RIMS3: variants seen among roughly 807,000 people sequenced by gnomAD.
The protein encoded by RIMS3 is regulating synaptic membrane exocytosis 3, also known as regulating synaptic membrane exocytosis protein 3.
In RIMS3, 15 loss-of-function variants were observed where a neutral mutation model predicts 29.2. The ratio of observed to expected loss-of-function variants is 0.51; its 90% CI spans 0.34 to 0.79. RIMS3 has a LOEUF of 0.79. Among genes scored for constraint, RIMS3 ranks in the 30% least tolerant of loss-of-function variants. The pLI is 0.01. For synonymous variants in RIMS3, 161 were observed against 170.1 expected (o/e 0.95, Z 0.41); for missense variants, 342 against 421.4 (o/e 0.81, Z 1.65).
chr1:40,665,962 T>G (rs1482726551), upstream of RIMS3, among the ~76,000 whole-genome samples: 1 of 152,180 alleles, frequency 6.6e-6, no homozygotes, highest in Non-Finnish European at 1.5e-5. Flanking sequence ...TTTCTCATCC[T>G]TCCTTTTCTT....
the RIMS3 span, among the ~76,000 whole-genome samples, chr1:40,685,627 C>T: frequency 6.6e-6 from 1 of 151,874 alleles, no homozygotes; most frequent in Non-Finnish European, 1.5e-5. Context: ...CCCCGTTGGG[C>T]TCAGTTATTG....
At chr1:40,628,740 A>G in intron 7 of RIMS3, 70 bp downstream of exon 7, 1 of 1,602,662 alleles carries the variant, frequency 6.2e-7, no homozygotes, top group Admixed American at 1.7e-5. Flanking sequence ...ATGAATCATA[A>G]ATGAAAAACT....
chr1:40,643,798 A>AT (rs1646577027), intron 2 of RIMS3, among the ~76,000 whole-genome samples: 1 of 151,944 alleles, frequency 6.6e-6, no homozygotes, highest in East Asian at 1.9e-4. Flanking sequence ...TTCTACATGG[A>AT]TTTTGTCTGC....
chr1:40,685,763 G>C, the RIMS3 span, among the ~76,000 whole-genome samples: 1 of 151,918 alleles, frequency 6.6e-6, no homozygotes, highest in Non-Finnish European at 1.5e-5. Context: ...TCAGAGATCT[G>C]AGAAGCACAT....
At chr1:40,661,167 G>C (rs1237169689) in intron 1 of RIMS3, among the ~76,000 whole-genome samples, 1 of 152,128 alleles carries the variant, frequency 6.6e-6, no homozygotes, top group Non-Finnish European at 1.5e-5. Context: ...ACTTTGGCTA[G>C]GTCACCTCAG....
In RIMS3 at chr1:40,654,379, C is replaced by G. The variant is rs939017755; in HGVS notation, c.-206-6537G>C. 2.0e-5 allele frequency among the ~76,000 whole-genome samples: 3 copies of G among 152,202 alleles called. No individual in the cohort carries two copies. The highest frequency in any genetic ancestry group is 6.5e-5 in the Admixed American group (1 of 15,286). ...CGCATTCCCTGCAACCTCTCCACCC[C>G]CGGACCCTTTCAGGGCACAAAGACC... On this transcript the variant is annotated intron_variant, in intron 1 of 7. Coordinates refer to ENST00000372684, the MANE Select transcript of RIMS3 (RefSeq NM_014747.3). This position sits in a 1 kb window ranked among gnomAD's most constrained non-coding sequence, Gnocchi z 5.3.
At chr1:40,660,378 CTT>C (rs535968581) in intron 1 of RIMS3, among the ~76,000 whole-genome samples, 58 of 135,012 alleles carry the variant, frequency 4.3e-4, no homozygotes, top group Admixed American at 6.0e-4. Flanking sequence ...GTTGGGGCTT[CTT>C]TTTTTTTTTT....
At chr1:40,650,909 TG>T (rs1252094305) in intron 1 of RIMS3, among the ~76,000 whole-genome samples, 3 of 149,538 alleles carry the variant, frequency 2.0e-5, no homozygotes, top group Admixed American at 6.7e-5. Flanking sequence ...TTAGCCACTT[TG>T]TCTCCTGTCT....
At chr1:40,669,781 A>C (rs1476827656), upstream of RIMS3, among the ~76,000 whole-genome samples, 1 of 152,112 alleles carries the variant, frequency 6.6e-6, no homozygotes, top group Non-Finnish European at 1.5e-5. Context: ...ATTTTTTTGA[A>C]AGCTTTTCCA....
At chr1:40,688,567 G>A in the RIMS3 span, among the ~76,000 whole-genome samples, 141 of 152,292 alleles carry the variant, frequency 9.3e-4, 3 homozygotes, top group South Asian at 0.028. Flanking sequence ...AAAAGAACTA[G>A]AATACTCTAG....
chr1:40,640,071 C>A (rs764763514), intron 3 of RIMS3, among the ~76,000 whole-genome samples: 6 of 152,176 alleles, frequency 3.9e-5, no homozygotes, highest in Non-Finnish European at 7.4e-5. Flanking sequence ...GACTGTCCCC[C>A]CAAATCACTT....
chr1:40,667,274 ACC>A (rs1234323451), upstream of RIMS3, among the ~76,000 whole-genome samples: 1 of 151,990 alleles, frequency 6.6e-6, no homozygotes, highest in Non-Finnish European at 1.5e-5. Flanking sequence ...CAGCTATTCT[ACC>A]TCAGGCCTAG....
chr1:40,677,457 G>A, the RIMS3 span, among the ~76,000 whole-genome samples: 1 of 151,612 alleles, frequency 6.6e-6, no homozygotes, highest in East Asian at 2.0e-4. Context: ...CCAGCACTTT[G>A]GGAGGCCAAG....
At chr1:40,673,780 G>A in the RIMS3 span, among the ~76,000 whole-genome samples, 1 of 152,124 alleles carries the variant, frequency 6.6e-6, no homozygotes, top group Non-Finnish European at 1.5e-5. Flanking sequence ...GGTGAAGACT[G>A]CACAGTGGTT....
In RIMS3 at chr1:40,626,280, G is replaced by A. The variant is rs944105386; in HGVS notation, c.*237C>T. On this transcript the variant is annotated 3_prime_UTR_variant, in exon 8 of 8. Transcript: ENST00000372684. ...GACATTTCAGCCCATATCATCACCAGGAGTGACTATACCCAGACAAATGAA... is the reference window on the plus strand; with the variant it reads ...GACATTTCAGCCCATATCATCACCAAGAGTGACTATACCCAGACAAATGAA... The A allele has an allele frequency of 5.1e-6, 3 of 584,296 alleles. No homozygotes were observed. Among genetic ancestry groups the A allele is most frequent in the Non-Finnish European group, 9.2e-6 (3 of 325,616 alleles). The allele number at this position is 584,296 out of a possible 1,614,324, so 36.2% of individuals were successfully genotyped here. A position where few individuals can be genotyped will look rare whatever the true frequency, so the allele number is the denominator to read the frequency against.
At chr1:40,631,751 GGA>G (rs1646490637) in intron 5 of RIMS3, among the ~76,000 whole-genome samples, 1 of 152,052 alleles carries the variant, frequency 6.6e-6, no homozygotes, top group East Asian at 1.9e-4. Context: ...AGGCTGAGGT[GGA>G]TGAGGTCAGG....
chr1:40,627,236 G>A (rs968729813), intron 7 of RIMS3, among the ~76,000 whole-genome samples: 3 of 152,098 alleles, frequency 2.0e-5, no homozygotes, highest in Admixed American at 1.3e-4. Context: ...CACACCACTG[G>A]GAGATTTTTT....
intron 2 of RIMS3, among the ~76,000 whole-genome samples, chr1:40,642,972 A>T (rs146475075): frequency 0.026 from 3,856 of 149,102 alleles, 70 homozygotes; most frequent in Middle Eastern, 0.064. Flanking sequence ...AAAAAAAAAT[A>T]TTATATCATA....
the RIMS3 span, among the ~76,000 whole-genome samples, chr1:40,677,973 T>C: frequency 6.6e-6 from 1 of 152,290 alleles, no homozygotes; most frequent in East Asian, 1.9e-4. Flanking sequence ...GGATGTAATG[T>C]TTTCAATACT....
Sources: allele counts gnomAD v4.1 joint callset (sites outside exome capture counted in the v4.1 genomes callset), GRCh38; gene constraint gnomAD v4.1.1; non-coding constraint Gnocchi (gnomAD v3.1); transcripts MANE v1.5; gene names NCBI Gene and HGNC (gene_info 2026-07-23, HGNC 2026-07-21).